Variants in SULF2 observed in about 807,000 individuals in gnomAD.
SULF2 encodes the protein sulfatase 2.
In SULF2, 52 loss-of-function variants were observed where a neutral mutation model predicts 107.7. The observed-to-expected ratio is 0.48, with a 90% CI of 0.39 to 0.61. The LOEUF is 0.61. Ranked by LOEUF, SULF2 falls within the 20% of genes least tolerant of loss-of-function variation. The probability of loss-of-function intolerance (pLI) is 0.00; values close to 1 mark genes in which losing one functional copy is unlikely to be tolerated. For missense variants in SULF2, 993 were observed against 1,177.3 expected (o/e 0.84, Z 2.29); for synonymous variants, 460 against 464.3 (o/e 0.99, Z 0.12).
chr20:47,753,349 C>A lies in SULF2; in HGVS notation c.175+3840G>T, dbSNP rs551913298. On this transcript the variant is annotated intron_variant, in intron 2 of 20. Coordinates refer to ENST00000688720, the MANE Select transcript of SULF2 (RefSeq NM_001387048.1). Reference sequence around the variant, plus strand: ...GTGGTCCCCATGTAAGTGGGACCCCCACATCAAAAGCTTGAGAAAGTTCTT... The same window carrying A: ...GTGGTCCCCATGTAAGTGGGACCCCAACATCAAAAGCTTGAGAAAGTTCTT... Among the ~76,000 whole-genome samples the A allele has an allele frequency of 1.6e-4, 25 of 152,188 alleles. 1 individual carries two copies. Among genetic ancestry groups the A allele is most frequent in the Non-Finnish European group, 3.2e-4 (22 of 68,036 alleles).
At chr20:47,784,923 G>A (rs1031930897) in intron 1 of SULF2, among the ~76,000 whole-genome samples, 38 of 152,250 alleles carry the variant, frequency 2.5e-4, no homozygotes, top group Admixed American at 7.8e-4. Context: ...AGTCCTGCCC[G>A]GACAAGCCCC....
chr20:47,710,788 T>G (rs2088900576), intron 3 of SULF2, among the ~76,000 whole-genome samples: 1 of 152,138 alleles, frequency 6.6e-6, no homozygotes, highest in East Asian at 1.9e-4. Flanking sequence ...CCCTGCTTCG[T>G]GGCCCAGCAG....
At chr20:47,754,805 G>T (rs1381694638) in intron 2 of SULF2, among the ~76,000 whole-genome samples, 1 of 152,190 alleles carries the variant, frequency 6.6e-6, no homozygotes, top group East Asian at 1.9e-4. Flanking sequence ...TAGAGCAGTG[G>T]CTAAGATCAC....
chr20:47,754,012 G>A (rs369673467), intron 2 of SULF2, among the ~76,000 whole-genome samples: 2 of 152,200 alleles, frequency 1.3e-5, no homozygotes, highest in Admixed American at 6.5e-5. Context: ...GGCCACTTAC[G>A]AACTAGTATG....
chr20:47,707,226 T>C (rs1479629675), intron 3 of SULF2, among the ~76,000 whole-genome samples: 1 of 152,156 alleles, frequency 6.6e-6, no homozygotes, highest in African/African-American at 2.4e-5. Context: ...TGACCTCAGG[T>C]GATCCACCCA....
chr20:47,659,307 G>A (rs1009278096), intron 20 of SULF2, 92 bp downstream of exon 20: 10 of 1,105,636 alleles, frequency 9.0e-6, no homozygotes, highest in Middle Eastern at 2.1e-4. Flanking sequence ...ACAAAGGGTG[G>A]TATGTAAGAA....
At chr20:47,740,923 C>G (rs2089863848) in intron 2 of SULF2, among the ~76,000 whole-genome samples, 1 of 152,120 alleles carries the variant, frequency 6.6e-6, no homozygotes, top group Admixed American at 6.5e-5. Context: ...CCCCTTTCCT[C>G]CGGGTACTTG....
rs1296957510 is a variant in SULF2, at chr20:47,658,192, T to C, written c.*170A>G. 3 of 686,956 alleles carry C rather than the reference T, an allele frequency of 4.4e-6. No individual in the cohort carries two copies. The highest frequency in any genetic ancestry group is 7.8e-6 in the Non-Finnish European group (3 of 383,182). The allele number at this position is 686,956 out of a possible 1,614,324, so 42.6% of individuals were successfully genotyped here. ...ATGGACTTCCTGAAGTTATCTCTGC[T>C]CCTGCTGGTTATCCTCCAGAATCTG... On this transcript the variant is annotated 3_prime_UTR_variant, in exon 21 of 21. Coordinates refer to ENST00000688720, the MANE Select transcript of SULF2 (RefSeq NM_001387048.1).
intron 2 of SULF2, among the ~76,000 whole-genome samples, chr20:47,748,648 C>T (rs1308046547): frequency 6.6e-6 from 1 of 152,188 alleles, no homozygotes; most frequent in Non-Finnish European, 1.5e-5. Context: ...CCCCTTCGCT[C>T]TCTGGGCTTT....
intron 2 of SULF2, among the ~76,000 whole-genome samples, chr20:47,739,634 T>C (rs2089830872): frequency 6.6e-6 from 1 of 152,242 alleles, no homozygotes; most frequent in South Asian, 2.1e-4. Context: ...TCCGTGTCTC[T>C]CCACAGCAGT....
chr20:47,756,200 A>G (rs1187241105), intron 2 of SULF2, among the ~76,000 whole-genome samples: 2 of 152,138 alleles, frequency 1.3e-5, no homozygotes. Flanking sequence ...AAAATTCTTC[A>G]AGAAACGAAA....
intron 14 of SULF2, among the ~76,000 whole-genome samples, chr20:47,664,594 G>A (rs1288797985): frequency 1.3e-5 from 2 of 152,184 alleles, no homozygotes; most frequent in Admixed American, 6.5e-5. Context: ...CACTTGGTCG[G>A]GGTCAACACA....
rs2089029666 is a variant in SULF2 at position 47,714,196 on chromosome 20, T to C, written c.416-11526A>G. 2.0e-5 allele frequency among the ~76,000 whole-genome samples: 3 copies of C among 152,212 alleles called. No individual in the cohort carries two copies. In the South Asian group the frequency reaches 6.2e-4, roughly 32 times the overall value. On this transcript the variant is annotated intron_variant, in intron 3 of 20. Coordinates refer to ENST00000688720, the MANE Select transcript of SULF2 (RefSeq NM_001387048.1). ...GGGGTCTTTGCCCTTCGTGGCATCA[T>C]CTCAATTCCAGTTGTCCGCGTGCCT...
At chr20:47,743,257 C>G (rs1204022807) in intron 2 of SULF2, among the ~76,000 whole-genome samples, 3 of 152,176 alleles carry the variant, frequency 2.0e-5, no homozygotes, top group Non-Finnish European at 4.4e-5. Flanking sequence ...ACTGTTTTCT[C>G]TGCCTGGACT....
At chr20:47,765,128 G>A (rs1323864546) in intron 1 of SULF2, among the ~76,000 whole-genome samples, 1 of 152,084 alleles carries the variant, frequency 6.6e-6, no homozygotes, top group Non-Finnish European at 1.5e-5. Context: ...AAGGCGGGCG[G>A]ATCACGAGGT....
intron 1 of SULF2, among the ~76,000 whole-genome samples, chr20:47,758,580 G>A (rs554332100): frequency 6.6e-6 from 1 of 152,292 alleles, no homozygotes; most frequent in East Asian, 1.9e-4. Flanking sequence ...TCACCCCCCT[G>A]GCCCCAGGTC....
intron 10 of SULF2, among the ~76,000 whole-genome samples, chr20:47,675,775 C>A (rs1259159338): frequency 6.9e-6 from 1 of 144,192 alleles, no homozygotes; most frequent in Admixed American, 6.8e-5. Flanking sequence ...CTCTCCAAGC[C>A]TGCCCTGGCT....
At chr20:47,740,283 G>A (rs1433066266) in intron 2 of SULF2, among the ~76,000 whole-genome samples, 1 of 152,210 alleles carries the variant, frequency 6.6e-6, no homozygotes, top group Non-Finnish European at 1.5e-5. Flanking sequence ...GCCTAGCAGA[G>A]GCGGGGTGCT....
intron 2 of SULF2, among the ~76,000 whole-genome samples, chr20:47,741,434 C>T (rs1245347684): frequency 6.6e-6 from 1 of 152,136 alleles, no homozygotes; most frequent in Non-Finnish European, 1.5e-5. Context: ...TTCCCTTCTC[C>T]GTGGAGTCTT....
Sources: allele counts gnomAD v4.1 joint callset (sites outside exome capture counted in the v4.1 genomes callset), GRCh38; gene constraint gnomAD v4.1.1; transcripts MANE v1.5; gene names NCBI Gene and HGNC (gene_info 2026-07-23, HGNC 2026-07-21).